GC: variants seen among roughly 807,000 people sequenced by gnomAD.
GC encodes GC vitamin D binding protein.
A neutral mutation model predicts 56.7 loss-of-function variants in GC; 43 were observed. The ratio of observed to expected loss-of-function variants is 0.76; its 90% confidence interval spans 0.59 to 0.98. The LOEUF is 0.98. Among genes scored for constraint, GC ranks in the 50% least tolerant of loss-of-function variants. GC has a pLI of 0.00. For missense variants in GC, 529 were observed against 545.9 expected (o/e 0.97, Z 0.31); for synonymous variants, 216 against 202.7 (o/e 1.07, Z -0.56).
chr4:71,785,275 C>T (rs1038730480), upstream of GC, among the ~76,000 whole-genome samples: 2 of 151,622 alleles, frequency 1.3e-5, no homozygotes, highest in Non-Finnish European at 3.0e-5. Context: ...GTTATTGCCA[C>T]GTTCTCCCAC....
intron 12 of GC, among the ~76,000 whole-genome samples, chr4:71,743,692 G>C (rs973651704): frequency 1.3e-5 from 2 of 152,174 alleles, no homozygotes; most frequent in African/African-American, 4.8e-5. Flanking sequence ...AAGTACCTCA[G>C]ACCTATAACT....
intron 1 of GC, among the ~76,000 whole-genome samples, chr4:71,793,560 G>A (rs1394835583): frequency 3.3e-5 from 5 of 152,174 alleles, no homozygotes; most frequent in African/African-American, 4.8e-5. Context: ...TTTGGGCTGA[G>A]ACGATGGGGT....
chr4:71,788,858 C>T (rs1186598619), upstream of GC, among the ~76,000 whole-genome samples: 1 of 151,884 alleles, frequency 6.6e-6, no homozygotes, highest in Admixed American at 6.6e-5. Context: ...ATAATAATCA[C>T]TGTTAAATAT....
chr4:71,803,573 C>T (rs551723559), intron 1 of GC, among the ~76,000 whole-genome samples: 3 of 152,092 alleles, frequency 2.0e-5, no homozygotes, highest in African/African-American at 7.2e-5. Context: ...GTAAAAATAC[C>T]GGGTATTTCT....
intron 6 of GC, among the ~76,000 whole-genome samples, chr4:71,759,886 T>C (rs1037144094): frequency 6.6e-6 from 1 of 152,188 alleles, no homozygotes; most frequent in African/African-American, 2.4e-5. Flanking sequence ...AATGATTATA[T>C]AAGTAATATA....
intron 12 of GC, among the ~76,000 whole-genome samples, chr4:71,744,834 G>GA (rs139222546): frequency 0.072 from 10,990 of 152,144 alleles, 418 homozygotes; most frequent in East Asian, 0.17. Flanking sequence ...ATGGGGGGAG[G>GA]ATGTAATAAT....
intron 1 of GC, among the ~76,000 whole-genome samples, chr4:71,771,766 G>A (rs764597928): frequency 5.3e-5 from 8 of 152,114 alleles, no homozygotes; most frequent in Non-Finnish European, 1.5e-5. Context: ...ATTGTGACAC[G>A]TTCAAAAGGT....
In GC at chr4:71,768,364, T is replaced by A; in HGVS notation, c.198A>T (p.Glu66Asp). ...AGCAGGCTTCGGTCAAGGAGACAACTTCCTTCACAAGTTGGCTGACCTGTT... is the reference window on the plus strand; with the variant it reads ...AGCAGGCTTCGGTCAAGGAGACAACATCCTTCACAAGTTGGCTGACCTGTT... ...TFEQVSQLVK[E>D]VVSLTEACCA... Residue 66 changes from glutamate (E) to aspartate (D), a missense_variant, in exon 3 of 13, where the codon GAA becomes GAT. Coordinates refer to ENST00000273951, the MANE Select transcript of GC (RefSeq NM_000583.4). 1 of 1,613,422 alleles carries A rather than the reference T, an allele frequency of 6.2e-7. No individual in the cohort carries two copies. Among genetic ancestry groups the A allele is most frequent in the Non-Finnish European group, 8.5e-7 (1 of 1,179,584 alleles).
upstream of GC, among the ~76,000 whole-genome samples, chr4:71,784,824 T>C (rs1742793547): frequency 6.6e-6 from 1 of 151,754 alleles, no homozygotes; most frequent in Non-Finnish European, 1.5e-5. Context: ...TTACAACTAG[T>C]ATATTTTATG....
intron 6 of GC, among the ~76,000 whole-genome samples, chr4:71,762,582 C>T (rs1742015207): frequency 1.3e-5 from 2 of 152,184 alleles, no homozygotes; most frequent in Admixed American, 1.3e-4. Context: ...TGTGTCCCCA[C>T]ACAAATCTCA....
At chr4:71,787,127 C>T (rs74793467), upstream of GC, among the ~76,000 whole-genome samples, 1,828 of 152,000 alleles carry the variant, frequency 0.012, 35 homozygotes, top group African/African-American at 0.042. Context: ...GAAAAGCATT[C>T]TAACTAACCT....
In GC at chr4:71,763,833, C is replaced by T; in HGVS notation, c.577G>A (p.Ala193Thr). The change falls in exon 5 of 13, where the codon GCA becomes ACA. Residue 193 changes from alanine (A) to threonine (T), a missense_variant. Coordinates refer to ENST00000273951, the MANE Select transcript of GC (RefSeq NM_000583.4). ...TTCAAAAAGCATACAGTTGGGCTTGCAGAGGTACAGCAGGACCCTACCATA... is the reference window on the plus strand; with the variant it reads ...TTCAAAAAGCATACAGTTGGGCTTGTAGAGGTACAGCAGGACCCTACCATA... Reference protein sequence around the residue: ...LSMVGSCCTSASPTVCFLKER... With the variant: ...LSMVGSCCTSTSPTVCFLKER... 1.2e-6 allele frequency: 2 copies of T among 1,612,906 alleles called. No homozygotes were observed. Among genetic ancestry groups the T allele is most frequent in the Non-Finnish European group, 1.7e-6 (2 of 1,179,038 alleles).
chr4:71,781,443 A>G (rs1299645689), intron 1 of GC, among the ~76,000 whole-genome samples: 1 of 151,936 alleles, frequency 6.6e-6, no homozygotes, highest in South Asian at 2.1e-4. Flanking sequence ...TGCAAAAAAA[A>G]TATTTTTAGT....
At chr4:71,752,419 C>A in intron 11 of GC, 99 bp downstream of exon 11, 1 of 941,014 alleles carries the variant, frequency 1.1e-6, no homozygotes, top group Non-Finnish European at 1.6e-6. Flanking sequence ...AAGCCTGTCA[C>A]ATAATGGCAT....
intron 1 of GC, among the ~76,000 whole-genome samples, chr4:71,780,670 C>G (rs933800841): frequency 6.6e-6 from 1 of 152,074 alleles, no homozygotes; most frequent in Non-Finnish European, 1.5e-5. Context: ...GAATGCAAAT[C>G]AAAACCACAA....
intron 1 of GC, 77 bp from the exon 2 acceptor site, chr4:71,769,477 A>C (rs1434324784): frequency 3.2e-6 from 3 of 931,740 alleles, no homozygotes; most frequent in Non-Finnish European, 5.2e-6. Context: ...GTATAAAGTG[A>C]TCTTCCACGT....
chr4:71,782,674 A>G (rs1742720391), intron 1 of GC, among the ~76,000 whole-genome samples: 1 of 151,794 alleles, frequency 6.6e-6, no homozygotes, highest in Admixed American at 6.6e-5. Context: ...ATGGTGATTC[A>G]TGCTCCTGCT....
At chr4:71,747,570 G>A (rs1039369526) in intron 11 of GC, among the ~76,000 whole-genome samples, 1 of 152,140 alleles carries the variant, frequency 6.6e-6, no homozygotes, top group African/African-American at 2.4e-5. Context: ...ATTGAAAAAT[G>A]TTTATTAGAT....
chr4:71,775,904 G>T (rs1051849389), intron 1 of GC, among the ~76,000 whole-genome samples: 3 of 151,932 alleles, frequency 2.0e-5, no homozygotes, highest in African/African-American at 7.2e-5. Context: ...TATAAAAAAT[G>T]TTCAGCATCA....
Sources: gnomAD v4.1 joint callset for allele counts (sites outside exome capture counted in the v4.1 genomes callset) on GRCh38, gnomAD v4.1.1 for gene constraint, MANE v1.5 for transcripts, NCBI Gene and HGNC (gene_info 2026-07-23, HGNC 2026-07-21) for gene names.